ENPP6: variants seen among roughly 807,000 people sequenced by gnomAD.
ENPP6 encodes glycerophosphocholine cholinephosphodiesterase ENPP6.
In ENPP6, 32 loss-of-function variants were observed where a neutral mutation model predicts 42.0. The ratio of observed to expected loss-of-function variants is 0.76; its 90% confidence interval spans 0.58 to 1.02. The LOEUF (loss-of-function observed/expected upper bound fraction) is 1.02. ENPP6 is among the 50% of genes least tolerant of loss of function. The pLI is 0.00. For missense variants in ENPP6, 552 were observed against 566.8 expected, an observed-to-expected ratio of 0.97 and a Z score of 0.27; for synonymous variants, 213 against 216.0, an observed-to-expected ratio of 0.99 and a Z score of 0.12.
intron 1 of ENPP6, among the ~76,000 whole-genome samples, chr4:184,167,698 T>G (rs973723439): frequency 2.4e-4 from 37 of 152,222 alleles, no homozygotes; most frequent in African/African-American, 8.7e-4. Context: ...GATGCTGGCC[T>G]GCCCAAGTTC....
intron 6 of ENPP6, among the ~76,000 whole-genome samples, chr4:184,106,649 GC>G (rs1297295276): frequency 1.3e-5 from 2 of 151,924 alleles, no homozygotes; most frequent in African/African-American, 4.8e-5. Flanking sequence ...GTCTCCTGTT[GC>G]CCCCACCCCA....
At chr4:184,116,225 AAAAC>A (rs1048620928) in intron 5 of ENPP6, among the ~76,000 whole-genome samples, 13 of 152,074 alleles carry the variant, frequency 8.5e-5, no homozygotes, top group East Asian at 1.9e-4. Flanking sequence ...TCCGTCTCAA[AAAAC>A]AAACAAACAA....
chr4:184,190,125 C>G (rs981131574), intron 1 of ENPP6, among the ~76,000 whole-genome samples: 3 of 152,202 alleles, frequency 2.0e-5, no homozygotes, highest in Non-Finnish European at 4.4e-5. Context: ...ACCGCCGTCT[C>G]TGAGAAATTT....
chr4:184,131,820 CACACATAT>C (rs1027162983), intron 2 of ENPP6, among the ~76,000 whole-genome samples: 50 of 141,224 alleles, frequency 3.5e-4, no homozygotes, highest in East Asian at 2.9e-3. Flanking sequence ...CACACACACA[CACACATAT>C]ATATATATAT....
chr4:184,212,227 A>G (rs1351199000), intron 1 of ENPP6, among the ~76,000 whole-genome samples: 1 of 151,818 alleles, frequency 6.6e-6, no homozygotes, highest in African/African-American at 2.4e-5. Flanking sequence ...CAGTGTTGGA[A>G]GTTCTGGCCA....
At chr4:184,117,491 T>C (rs1368135587) in intron 4 of ENPP6, among the ~76,000 whole-genome samples, 1 of 152,106 alleles carries the variant, frequency 6.6e-6, no homozygotes, top group East Asian at 1.9e-4. Flanking sequence ...CCAAACTTAT[T>C]AGGAGTCCAC....
At chr4:184,214,372 C>T (rs1417516858) in intron 1 of ENPP6, among the ~76,000 whole-genome samples, 1 of 152,118 alleles carries the variant, frequency 6.6e-6, no homozygotes, top group Non-Finnish European at 1.5e-5. Context: ...AAATAATCAG[C>T]CATGGTGGCT....
intron 1 of ENPP6, among the ~76,000 whole-genome samples, chr4:184,155,754 A>C (rs148796272): frequency 8.5e-5 from 13 of 152,354 alleles, no homozygotes; most frequent in African/African-American, 3.1e-4. Flanking sequence ...GCATACAAGG[A>C]AGCATGAAGC....
intron 1 of ENPP6, among the ~76,000 whole-genome samples, chr4:184,185,879 C>T (rs924889372): frequency 2.0e-5 from 3 of 152,088 alleles, no homozygotes; most frequent in Non-Finnish European, 4.4e-5. Context: ...ATTGAGAAAA[C>T]CTGAAAATAT....
intron 1 of ENPP6, among the ~76,000 whole-genome samples, chr4:184,174,097 A>G (rs13130038): frequency 0.71 from 106,791 of 151,382 alleles, 40,747 homozygotes; most frequent in East Asian, 0.98. Flanking sequence ...GCTTTACTAA[A>G]TAGTGAAAAA....
At chr4:184,138,387 A>C (rs758664791) in intron 2 of ENPP6, among the ~76,000 whole-genome samples, 4 of 152,220 alleles carry the variant, frequency 2.6e-5, no homozygotes, top group African/African-American at 7.2e-5. Context: ...AACTCAATTA[A>C]GTTTTTCTTA....
At chr4:184,122,578 T>C (rs1013059963) in intron 3 of ENPP6, among the ~76,000 whole-genome samples, 4 of 152,328 alleles carry the variant, frequency 2.6e-5, no homozygotes, top group Admixed American at 6.5e-5. Flanking sequence ...GACTGGCCGG[T>C]GCCAACCTGC....
chr4:184,169,451 T>C (rs976837363), intron 1 of ENPP6, among the ~76,000 whole-genome samples: 1 of 152,176 alleles, frequency 6.6e-6, no homozygotes, highest in African/African-American at 2.4e-5. Flanking sequence ...TCCTGGCTCC[T>C]GCCTCACCCC....
intron 3 of ENPP6, among the ~76,000 whole-genome samples, chr4:184,123,688 G>A (rs1011798397): frequency 6.6e-6 from 1 of 152,094 alleles, no homozygotes; most frequent in Non-Finnish European, 1.5e-5. Flanking sequence ...TGTGTGTCAT[G>A]GTTCCATGTG....
At chr4:184,119,971 A>G (rs1197048459) in intron 3 of ENPP6, among the ~76,000 whole-genome samples, 1 of 152,160 alleles carries the variant, frequency 6.6e-6, no homozygotes, top group Admixed American at 6.5e-5. Flanking sequence ...AGTCTTAGGT[A>G]TGTCTTTATT....
rs1732998824 is a variant in ENPP6, at chr4:184,206,384, A to T, written c.241+11195T>A. 1.9e-5 allele frequency among the ~76,000 whole-genome samples: 2 copies of T among 106,152 alleles called. 1 individual carries two copies. 69.6% of individuals were successfully genotyped at this position (106,152 alleles called of 152,430 possible). ...GCCATTCTCCTGCCTCAGCCTCCCG[A>T]GTAGCTGGGACTACAGGCGGGCGCC... is the stretch of plus-strand genomic sequence containing the variant. On this transcript the variant is annotated intron_variant, in intron 1 of 7. Transcript: ENST00000296741.
At chr4:184,158,036 CCT>C (rs950460416) in intron 1 of ENPP6, among the ~76,000 whole-genome samples, 4 of 152,112 alleles carry the variant, frequency 2.6e-5, no homozygotes, top group Non-Finnish European at 5.9e-5. Flanking sequence ...TAGTTCCTTA[CCT>C]CTTTTATTCT....
intron 1 of ENPP6, among the ~76,000 whole-genome samples, chr4:184,208,481 T>C (rs888711863): frequency 2.6e-5 from 4 of 152,078 alleles, no homozygotes; most frequent in Non-Finnish European, 5.9e-5. Flanking sequence ...GGGTGACGGA[T>C]GGCATCTGGA....
chr4:184,136,508 TTACTC>T lies in ENPP6; in HGVS notation c.422-12241_422-12237del, dbSNP rs1579628837. Among the ~76,000 whole-genome samples the T allele has an allele frequency of 9.8e-5, 15 of 152,342 alleles. No individual in the cohort carries two copies. The South Asian group carries it at 3.1e-3, about 32-fold the overall frequency. ...CTGTCTAAAGAAGTTAATATTTCCT[TTACTC>T]TAGCTGGCAATGAGTTCTCTCAGTT... On this transcript the variant is annotated intron_variant, in intron 2 of 7. Coordinates refer to ENST00000296741, the MANE Select transcript of ENPP6 (RefSeq NM_153343.4).
Sources: allele counts gnomAD v4.1 joint callset (sites outside exome capture counted in the v4.1 genomes callset), GRCh38; gene constraint gnomAD v4.1.1; transcripts MANE v1.5; gene names NCBI Gene and HGNC (gene_info 2026-07-23, HGNC 2026-07-21).